Variants in GALNTL6 observed in about 807,000 individuals in gnomAD.
GALNTL6 encodes the protein polypeptide N-acetylgalactosaminyltransferase like 6.
In GALNTL6, 46 loss-of-function variants were observed where a neutral mutation model predicts 73.7. That is an observed-to-expected ratio of 0.62 (90% CI 0.49 to 0.80). GALNTL6 has a LOEUF of 0.80. Ranked by LOEUF, GALNTL6 falls within the 30% of genes least tolerant of loss-of-function variation. The pLI is 0.00. For synonymous variants in GALNTL6, 259 were observed against 263.7 expected (o/e 0.98, Z 0.17); for missense variants, 604 against 755.0 (o/e 0.80, Z 2.34).
At chr4:172,981,764 A>T (rs866623957) in intron 10 of GALNTL6, among the ~76,000 whole-genome samples, 42 of 151,234 alleles carry the variant, frequency 2.8e-4, no homozygotes, top group African/African-American at 9.7e-4. Context: ...ACTTGCATTA[A>T]ATCTATAGAA....
chr4:172,104,554 A>G (rs1450120955), intron 2 of GALNTL6, among the ~76,000 whole-genome samples: 1 of 152,192 alleles, frequency 6.6e-6, no homozygotes, highest in African/African-American at 2.4e-5. Context: ...ATTATTTGAA[A>G]TAATGAAAAA....
At chr4:173,006,750 T>C (rs139458179) in intron 10 of GALNTL6, among the ~76,000 whole-genome samples, 297 of 152,322 alleles carry the variant, frequency 1.9e-3, no homozygotes, top group African/African-American at 6.4e-3. Flanking sequence ...GCAGGCATTT[T>C]CCCTAATTCA....
At chr4:172,158,233 T>G (rs1003257326) in intron 2 of GALNTL6, among the ~76,000 whole-genome samples, 1 of 152,190 alleles carries the variant, frequency 6.6e-6, no homozygotes, top group African/African-American at 2.4e-5. Flanking sequence ...ATTTGATATC[T>G]TTACGTGGCA....
chr4:172,636,381 C>T (rs13152161), intron 5 of GALNTL6, among the ~76,000 whole-genome samples: 56,358 of 152,100 alleles, frequency 0.37, 11,384 homozygotes, highest in African/African-American at 0.51. Context: ...TCCCAGACCT[C>T]CAAATGTTTC....
intron 7 of GALNTL6, among the ~76,000 whole-genome samples, chr4:172,855,382 G>C (rs187939051): frequency 6.6e-6 from 1 of 152,096 alleles, no homozygotes; most frequent in Admixed American, 6.6e-5. Context: ...AGTTTCAGGG[G>C]TATTTTGCTC....
intron 2 of GALNTL6, among the ~76,000 whole-genome samples, chr4:171,962,690 A>G (rs375589325): frequency 4.0e-5 from 6 of 151,850 alleles, no homozygotes; most frequent in South Asian, 2.1e-4. Flanking sequence ...ATAGCCAAAC[A>G]GCAGCCCTTG....
intron 2 of GALNTL6, among the ~76,000 whole-genome samples, chr4:172,217,733 T>C (rs1183121024): frequency 6.6e-6 from 1 of 152,180 alleles, no homozygotes; most frequent in African/African-American, 2.4e-5. Context: ...TGCCCACTCA[T>C]TGCAAAATTT....
At chr4:172,520,013 A>G (rs1734725770) in intron 5 of GALNTL6, among the ~76,000 whole-genome samples, 2 of 151,922 alleles carry the variant, frequency 1.3e-5, no homozygotes, top group South Asian at 4.1e-4. Flanking sequence ...AAATTATGGC[A>G]CTTTTCAGGA....
At position 172,972,814 on chromosome 4, in the gene GALNTL6, A is replaced by G. The variant is rs1579727796; in HGVS notation, c.1371+20556A>G. 2.0e-5 allele frequency among the ~76,000 whole-genome samples: 3 copies of G among 152,324 alleles called. No individual in the cohort carries two copies. The East Asian group carries it at 5.8e-4, about 29-fold the overall frequency. ...AGACAACATGAACAATAAAAAAGTG[A>G]CCCCATTAATTAAAACAAATTGAAT... On this transcript the variant is annotated intron_variant, in intron 10 of 12. Transcript: ENST00000506823.
chr4:172,547,650 C>T (rs1002338096), intron 5 of GALNTL6, among the ~76,000 whole-genome samples: 5 of 152,100 alleles, frequency 3.3e-5, no homozygotes, highest in African/African-American at 7.2e-5. Flanking sequence ...CTCTTATTCT[C>T]TAGAACTAAT....
Position 172,143,165 on chromosome 4 carries a change from T to C in GALNTL6, c.139-86491T>C, listed in dbSNP as rs530817368. Among the ~76,000 whole-genome samples, 55 of 152,190 alleles carry C rather than the reference T, an allele frequency of 3.6e-4. 2 individuals are homozygous for C. The South Asian group carries it at 0.011, about 30-fold the overall frequency. ...TGTCCAAATCTACTTAGGTGGTTGGTTAGTGACTGTTGTTACTATGTGGCT... is the reference window on the plus strand; with the variant it reads ...TGTCCAAATCTACTTAGGTGGTTGGCTAGTGACTGTTGTTACTATGTGGCT... On this transcript the variant is annotated intron_variant, in intron 2 of 12. Transcript: ENST00000506823.
At chr4:172,179,342 G>C (rs909005796) in intron 2 of GALNTL6, among the ~76,000 whole-genome samples, 1 of 148,910 alleles carries the variant, frequency 6.7e-6, no homozygotes, top group Non-Finnish European at 1.5e-5. Context: ...TTTAATGATT[G>C]CCATTCTAAC....
chr4:171,892,747 A>G (rs968121216), intron 2 of GALNTL6, among the ~76,000 whole-genome samples: 5 of 152,082 alleles, frequency 3.3e-5, no homozygotes, highest in Admixed American at 2.6e-4. Flanking sequence ...AAAAATTTGT[A>G]TAGACGAGGT....
At chr4:173,020,241 G>A (rs1465499424) in intron 11 of GALNTL6, among the ~76,000 whole-genome samples, 1 of 152,106 alleles carries the variant, frequency 6.6e-6, no homozygotes, top group Non-Finnish European at 1.5e-5. Flanking sequence ...ACAGGTGTGT[G>A]GCTTGTTTGC....
chr4:172,315,391 G>A (rs929028659), intron 4 of GALNTL6, among the ~76,000 whole-genome samples: 2 of 152,122 alleles, frequency 1.3e-5, no homozygotes, highest in African/African-American at 4.8e-5. Flanking sequence ...AGCCTCCCAA[G>A]TAGCTGGGAT....
chr4:172,075,448 C>A (rs1731672788), intron 2 of GALNTL6, among the ~76,000 whole-genome samples: 1 of 152,094 alleles, frequency 6.6e-6, no homozygotes, highest in South Asian at 2.1e-4. Context: ...CATTTTCCTG[C>A]CTCAGCCTCC....
chr4:172,472,443 C>T (rs1309760964), intron 5 of GALNTL6, among the ~76,000 whole-genome samples: 1 of 152,102 alleles, frequency 6.6e-6, no homozygotes, highest in Non-Finnish European at 1.5e-5. Flanking sequence ...GAAGAGGAAA[C>T]TGAGCTCATA....
chr4:172,501,022 G>A (rs1189408776), intron 5 of GALNTL6, among the ~76,000 whole-genome samples: 1 of 152,186 alleles, frequency 6.6e-6, no homozygotes, highest in Non-Finnish European at 1.5e-5. Flanking sequence ...CCTATATCTT[G>A]ACTGTGACAG....
chr4:172,273,258 A>AAGT (rs1389678117), intron 3 of GALNTL6, among the ~76,000 whole-genome samples: 1 of 152,200 alleles, frequency 6.6e-6, no homozygotes, highest in African/African-American at 2.4e-5. Flanking sequence ...AAGCTGTACT[A>AAGT]AGTAGCTATG....
Sources: allele counts gnomAD v4.1 joint callset (sites outside exome capture counted in the v4.1 genomes callset), GRCh38; gene constraint gnomAD v4.1.1; transcripts MANE v1.5; gene names NCBI Gene and HGNC (gene_info 2026-07-23, HGNC 2026-07-21).